Variants in PRKCA observed in about 807,000 individuals in gnomAD.
PRKCA encodes protein kinase C alpha, also known as protein kinase C alpha type.
In PRKCA, 27 loss-of-function variants were observed where a neutral mutation model predicts 87.0. That is an observed-to-expected ratio of 0.31 (90% CI 0.23 to 0.43). PRKCA has a LOEUF of 0.43. Ranked by LOEUF, PRKCA falls within the 20% of genes least tolerant of loss-of-function variation. The probability of loss-of-function intolerance (pLI) is 1.00; values close to 1 mark genes in which losing one functional copy is unlikely to be tolerated. For synonymous variants in PRKCA, 329 were observed against 311.1 expected, an observed-to-expected ratio of 1.06 and a Z score of -0.61; for missense variants, 518 against 852.3, an observed-to-expected ratio of 0.61 and a Z score of 4.88.
intron 2 of PRKCA, among the ~76,000 whole-genome samples, chr17:66,418,446 T>C (rs1442954575): frequency 6.6e-6 from 1 of 151,886 alleles, no homozygotes; most frequent in Non-Finnish European, 1.5e-5. Context: ...TAGCCTTTTT[T>C]TTTTTTTTGA....
chr17:66,665,625 C>A (rs940497542), intron 5 of PRKCA, among the ~76,000 whole-genome samples: 2 of 152,198 alleles, frequency 1.3e-5, no homozygotes, highest in African/African-American at 4.8e-5. Context: ...TAGAGTACTT[C>A]CCCACCCCAG....
At chr17:66,595,039 C>T (rs573116503) in intron 3 of PRKCA, among the ~76,000 whole-genome samples, 1 of 152,326 alleles carries the variant, frequency 6.6e-6, no homozygotes, top group South Asian at 2.1e-4. Flanking sequence ...CATCCCATGA[C>T]TCCCTCCTAG....
At chr17:66,456,395 A>G (rs1598688015) in intron 2 of PRKCA, among the ~76,000 whole-genome samples, 2 of 152,204 alleles carry the variant, frequency 1.3e-5, no homozygotes, top group African/African-American at 4.8e-5. Context: ...TGTCCAACCC[A>G]AGTTTAAGAG....
intron 3 of PRKCA, among the ~76,000 whole-genome samples, chr17:66,538,302 C>G (rs1434344715): frequency 6.6e-6 from 1 of 152,208 alleles, no homozygotes; most frequent in Non-Finnish European, 1.5e-5. Context: ...GGGAGACTAG[C>G]AACCTGCCAC....
At chr17:66,518,817 C>T (rs2144209594) in intron 3 of PRKCA, among the ~76,000 whole-genome samples, 1 of 152,312 alleles carries the variant, frequency 6.6e-6, no homozygotes, top group East Asian at 1.9e-4. Context: ...TCTCCTCATT[C>T]TCTTTCCTGT....
chr17:66,450,450 A>C lies in PRKCA; in HGVS notation c.206-45751A>C, dbSNP rs570094986. ...ATGAACGTGGGTCCCCATCTTTGGT[A>C]CCTGAAGACGGCCATGTCCCACAGG... On this transcript the variant is annotated intron_variant, in intron 2 of 16. Coordinates refer to ENST00000413366, the MANE Select transcript of PRKCA (RefSeq NM_002737.3). 1.7e-4 allele frequency among the ~76,000 whole-genome samples: 26 copies of C among 152,266 alleles called. No homozygotes were observed. In the South Asian group the frequency reaches 5.4e-3, roughly 32 times the overall value.
intron 11 of PRKCA, among the ~76,000 whole-genome samples, chr17:66,740,867 A>AC (rs1974144713): frequency 6.6e-6 from 1 of 151,706 alleles, no homozygotes; most frequent in Non-Finnish European, 1.5e-5. Flanking sequence ...CCATCTCTTC[A>AC]CCCTCCCCCT....
At chr17:66,548,999 G>C (rs1259792312) in intron 3 of PRKCA, among the ~76,000 whole-genome samples, 1 of 152,090 alleles carries the variant, frequency 6.6e-6, no homozygotes, top group East Asian at 1.9e-4. Context: ...TAGAGATGGG[G>C]TTTTGCCATG....
intron 3 of PRKCA, among the ~76,000 whole-genome samples, chr17:66,619,502 T>C (rs999871729): frequency 1.9e-4 from 29 of 152,340 alleles, no homozygotes; most frequent in African/African-American, 6.3e-4. Flanking sequence ...TCACATGGCC[T>C]ATTTTCCCCA....
chr17:66,743,483 G>A (rs1372864550), intron 13 of PRKCA, among the ~76,000 whole-genome samples: 1 of 152,252 alleles, frequency 6.6e-6, no homozygotes, highest in African/African-American at 2.4e-5. Flanking sequence ...GAATGTGTCA[G>A]TGTGGTTCTA....
intron 3 of PRKCA, among the ~76,000 whole-genome samples, chr17:66,564,140 G>A (rs535778543): frequency 2.4e-4 from 36 of 151,896 alleles, no homozygotes; most frequent in Admixed American, 6.6e-4. Flanking sequence ...GTGCAGTGGG[G>A]CCATCTCGGC....
intron 2 of PRKCA, among the ~76,000 whole-genome samples, chr17:66,420,538 A>G (rs551868085): frequency 6.6e-6 from 1 of 152,306 alleles, no homozygotes; most frequent in African/African-American, 2.4e-5. Context: ...AAGATACTTA[A>G]CATTTTATTA....
intron 3 of PRKCA, among the ~76,000 whole-genome samples, chr17:66,616,385 C>T (rs1251411895): frequency 6.6e-6 from 1 of 152,200 alleles, no homozygotes; most frequent in African/African-American, 2.4e-5. Context: ...TTGAGCTCAT[C>T]TTTCCTCACG....
chr17:66,458,454 A>G (rs544099009), intron 2 of PRKCA, among the ~76,000 whole-genome samples: 1 of 150,634 alleles, frequency 6.6e-6, no homozygotes, highest in Non-Finnish European at 1.5e-5. Context: ...AGATCCTTTC[A>G]GGTTTGTCTT....
At chr17:66,779,069 C>T (rs541413629) in intron 14 of PRKCA, among the ~76,000 whole-genome samples, 1 of 152,250 alleles carries the variant, frequency 6.6e-6, no homozygotes, top group South Asian at 2.1e-4. Context: ...GAAGGCTCTA[C>T]CCAGTATTAT....
At chr17:66,501,017 T>C (rs147476869) in intron 3 of PRKCA, among the ~76,000 whole-genome samples, 76 of 152,284 alleles carry the variant, frequency 5.0e-4, no homozygotes, top group African/African-American at 1.8e-3. Flanking sequence ...TGCTGCTTAA[T>C]AGTACCTTCG....
At chr17:66,367,461 A>C (rs1357617152) in intron 2 of PRKCA, among the ~76,000 whole-genome samples, 1 of 152,220 alleles carries the variant, frequency 6.6e-6, no homozygotes, top group Non-Finnish European at 1.5e-5. Context: ...GCTGTACCTA[A>C]AACAGTAGTT....
chr17:66,315,125 C>T (rs887832987), intron 2 of PRKCA, among the ~76,000 whole-genome samples: 10 of 152,078 alleles, frequency 6.6e-5, no homozygotes, highest in Non-Finnish European at 1.2e-4. Context: ...ACTTGAAACA[C>T]TACAACTGAT....
At chr17:66,356,091 GT>G (rs1285668979) in intron 2 of PRKCA, among the ~76,000 whole-genome samples, 1 of 151,990 alleles carries the variant, frequency 6.6e-6, no homozygotes, top group African/African-American at 2.4e-5. Context: ...TAGAGGTGGG[GT>G]TTTGCCATGT....
Sources: gnomAD v4.1 joint callset for allele counts (sites outside exome capture counted in the v4.1 genomes callset) on GRCh38, gnomAD v4.1.1 for gene constraint, MANE v1.5 for transcripts, NCBI Gene and HGNC (gene_info 2026-07-23, HGNC 2026-07-21) for gene names.